Variants in RBFOX1 observed in about 807,000 individuals in gnomAD.
RBFOX1 encodes RNA binding protein fox-1 homolog 1.
Under a neutral mutation model 57.7 loss-of-function variants are expected in RBFOX1, and 8 were observed. That is an observed-to-expected ratio of 0.14 (90% CI 0.08 to 0.25). The LOEUF (loss-of-function observed/expected upper bound fraction) is 0.25. RBFOX1 is among the 10% of genes least tolerant of loss of function. RBFOX1 has a pLI of 1.00. For missense variants in RBFOX1, 611 were observed against 548.5 expected, an observed-to-expected ratio of 1.11 and a Z score of -1.14; for synonymous variants, 326 against 222.4, an observed-to-expected ratio of 1.47 and a Z score of -4.15.
At chr16:7,283,283 C>T (rs1028735917) in intron 4 of RBFOX1, among the ~76,000 whole-genome samples, 1 of 151,786 alleles carries the variant, frequency 6.6e-6, no homozygotes, top group Non-Finnish European at 1.5e-5. Flanking sequence ...TTCAGTTTTC[C>T]ATGGCCTTCC....
intron 3 of RBFOX1, among the ~76,000 whole-genome samples, chr16:7,036,817 C>G (rs985287225): frequency 2.0e-5 from 3 of 151,964 alleles, no homozygotes; most frequent in African/African-American, 7.2e-5. Context: ...ATAAGAATGG[C>G]TAGTTCATAG....
In RBFOX1 at chr16:6,586,266, C is replaced by G. The variant is rs913313191; in HGVS notation, c.-63-68337C>G. Among the ~76,000 whole-genome samples, 6 of 152,244 alleles carry G rather than the reference C, an allele frequency of 3.9e-5. No homozygotes were observed. The East Asian group carries it at 5.8e-4, about 15-fold the overall frequency. On this transcript the variant is annotated intron_variant, in intron 2 of 15. Transcript: ENST00000550418. Reference sequence around the variant, plus strand: ...GTGAAAACCAACAATTTCTTTGAACCACTCGTCTTACAACCTCAGTGTATT... The same window carrying G: ...GTGAAAACCAACAATTTCTTTGAACGACTCGTCTTACAACCTCAGTGTATT...
At chr16:7,224,962 T>G (rs1009012384) in intron 4 of RBFOX1, among the ~76,000 whole-genome samples, 3 of 152,210 alleles carry the variant, frequency 2.0e-5, no homozygotes, top group African/African-American at 7.2e-5. Flanking sequence ...AGTGGCAGAA[T>G]TCACTTTATT....
chr16:6,570,645 T>C (rs2097332554), intron 2 of RBFOX1, among the ~76,000 whole-genome samples: 1 of 152,214 alleles, frequency 6.6e-6, no homozygotes, highest in African/African-American at 2.4e-5. Flanking sequence ...AGCACCTTTT[T>C]ATTTAGGCTT....
intron 1 of RBFOX1, among the ~76,000 whole-genome samples, chr16:5,434,082 A>G (rs1162430561): frequency 2.6e-5 from 4 of 152,154 alleles, no homozygotes; most frequent in African/African-American, 9.7e-5. Flanking sequence ...CAAAACTCTC[A>G]GCTGACTGTA....
chr16:7,043,199 C>G (rs1597847705), intron 3 of RBFOX1, among the ~76,000 whole-genome samples: 1 of 152,154 alleles, frequency 6.6e-6, no homozygotes, highest in Non-Finnish European at 1.5e-5. Flanking sequence ...GATGTCTCCT[C>G]CACTGCTTCC....
chr16:6,076,322 ACAAACACACGCG>A (rs2095899656), intron 1 of RBFOX1, among the ~76,000 whole-genome samples: 1 of 150,648 alleles, frequency 6.6e-6, no homozygotes, highest in African/African-American at 2.5e-5. Context: ...CAACAAACGC[ACAAACACACGCG>A]CACACACACA....
At chr16:6,990,373 AAGTT>A (rs763492723) in intron 3 of RBFOX1, among the ~76,000 whole-genome samples, 5 of 151,972 alleles carry the variant, frequency 3.3e-5, no homozygotes, top group African/African-American at 4.8e-5. Context: ...AAAAATACAA[AAGTT>A]AGCCGGTAGT....
At chr16:6,014,448 T>G (rs1249666150), upstream of RBFOX1, among the ~76,000 whole-genome samples, 2 of 152,208 alleles carry the variant, frequency 1.3e-5, no homozygotes, top group African/African-American at 4.8e-5. Flanking sequence ...GGACACCAGA[T>G]AGCTCATTCT....
chr16:6,020,071 C>G (rs1052461000), intron 1 of RBFOX1, 79 bp downstream of exon 1: 174 of 1,332,664 alleles, frequency 1.3e-4, no homozygotes, highest in Non-Finnish European at 1.6e-4. Context: ...TGGAGGGAAG[C>G]GCTAGGTCCC....
intron 3 of RBFOX1, among the ~76,000 whole-genome samples, chr16:5,844,370 A>C (rs1198380709): frequency 6.6e-6 from 1 of 152,252 alleles, no homozygotes; most frequent in Non-Finnish European, 1.5e-5. Context: ...AAAGCCCTGG[A>C]ATAAAGTCTC....
chr16:6,263,777 T>C (rs1452492920), intron 1 of RBFOX1, among the ~76,000 whole-genome samples: 1 of 152,194 alleles, frequency 6.6e-6, no homozygotes, highest in Non-Finnish European at 1.5e-5. Flanking sequence ...TTTAAATATC[T>C]TGATGTCTTC....
chr16:6,867,155 CAGA>C (rs2060084664), intron 3 of RBFOX1, among the ~76,000 whole-genome samples: 1 of 152,080 alleles, frequency 6.6e-6, no homozygotes, highest in African/African-American at 2.4e-5. Flanking sequence ...GTACTAAGTG[CAGA>C]AGTTTTGTGA....
chr16:6,560,454 C>G (rs1205742202), intron 2 of RBFOX1, among the ~76,000 whole-genome samples: 1 of 152,026 alleles, frequency 6.6e-6, no homozygotes, highest in African/African-American at 2.4e-5. Flanking sequence ...GAAGAGCATT[C>G]CAGGCAGTGA....
chr16:6,546,817 T>C (rs762380897), intron 2 of RBFOX1, among the ~76,000 whole-genome samples: 3 of 152,212 alleles, frequency 2.0e-5, no homozygotes, highest in African/African-American at 4.8e-5. Flanking sequence ...ATAGGCTCCA[T>C]AATAGGACCA....
intron 3 of RBFOX1, among the ~76,000 whole-genome samples, chr16:5,806,631 C>G (rs1367269303): frequency 6.6e-6 from 1 of 152,206 alleles, no homozygotes; most frequent in African/African-American, 2.4e-5. Context: ...GGTGAAAAAT[C>G]AAGCCCAAGA....
intron 4 of RBFOX1, among the ~76,000 whole-genome samples, chr16:7,059,354 G>A (rs575085472): frequency 7.9e-5 from 12 of 152,242 alleles, no homozygotes; most frequent in South Asian, 4.1e-4. Flanking sequence ...AGGATGGTTC[G>A]TTGTAGAAAT....
At chr16:6,993,649 T>A (rs2091850088) in intron 3 of RBFOX1, among the ~76,000 whole-genome samples, 1 of 152,186 alleles carries the variant, frequency 6.6e-6, no homozygotes, top group Non-Finnish European at 1.5e-5. Flanking sequence ...TTCTTCACTG[T>A]GATTTGCACT....
intron 1 of RBFOX1, among the ~76,000 whole-genome samples, chr16:6,064,219 C>A (rs541730480): frequency 2.0e-5 from 3 of 152,244 alleles, no homozygotes; most frequent in African/African-American, 7.2e-5. Flanking sequence ...ATGACCTATA[C>A]GTTCTTTAAA....
Sources: gnomAD v4.1 joint callset for allele counts (sites outside exome capture counted in the v4.1 genomes callset) on GRCh38, gnomAD v4.1.1 for gene constraint, MANE v1.5 for transcripts, NCBI Gene and HGNC (gene_info 2026-07-23, HGNC 2026-07-21) for gene names.